FAM167A: variants seen among roughly 807,000 people sequenced by gnomAD.
The protein encoded by FAM167A is family with sequence similarity 167 member A.
In FAM167A, 23 loss-of-function variants were observed where a neutral mutation model predicts 14.9. The observed-to-expected ratio is 1.55, with a 90% CI of 1.11 to 2.19. FAM167A has a LOEUF of 2.19. FAM167A is among the 30% of genes most tolerant of loss of function. FAM167A has a pLI of 0.00. For synonymous variants in FAM167A, 174 were observed against 117.7 expected, an observed-to-expected ratio of 1.48 and a Z score of -3.10; for missense variants, 401 against 281.5, an observed-to-expected ratio of 1.42 and a Z score of -3.04.
At chr8:11,439,227 C>A (rs539217494) in intron 2 of FAM167A, among the ~76,000 whole-genome samples, 2 of 152,374 alleles carry the variant, frequency 1.3e-5, no homozygotes, top group South Asian at 4.1e-4. Context: ...ATAGCAAATA[C>A]TTCCAAGCCT....
intron 2 of FAM167A, among the ~76,000 whole-genome samples, chr8:11,436,319 G>C (rs1806010257): frequency 6.6e-6 from 1 of 152,192 alleles, no homozygotes; most frequent in Admixed American, 6.5e-5. Flanking sequence ...CAACTTCCCT[G>C]CCACTCCCCT....
chr8:11,464,568 C>G (rs73533636), intron 1 of FAM167A, among the ~76,000 whole-genome samples: 4,336 of 152,320 alleles, frequency 0.028, 193 homozygotes, highest in African/African-American at 0.098. Context: ...TGCACAGTAA[C>G]AGCCAGCCAG....
chr8:11,424,664 C>T, intron 2 of FAM167A, 28 bp from the exon 3 acceptor site: 1 of 1,610,504 alleles, frequency 6.2e-7, no homozygotes, highest in Non-Finnish European at 8.5e-7. Context: ...CAGGCAGGGT[C>T]AGCAGAGAGT....
chr8:11,464,197 C>A (rs1365876700), intron 1 of FAM167A, among the ~76,000 whole-genome samples: 1 of 152,136 alleles, frequency 6.6e-6, no homozygotes, highest in Non-Finnish European at 1.5e-5. Context: ...CTTCTTTCTC[C>A]ATGCTTGTCC....
intron 2 of FAM167A, among the ~76,000 whole-genome samples, chr8:11,427,995 C>G (rs189426639): frequency 7.5e-4 from 114 of 152,324 alleles, no homozygotes; most frequent in African/African-American, 2.6e-3. Flanking sequence ...AGATGGGGGT[C>G]AAACCTGCCT....
At chr8:11,457,212 C>T (rs1203405614) in intron 1 of FAM167A, among the ~76,000 whole-genome samples, 1 of 151,874 alleles carries the variant, frequency 6.6e-6, no homozygotes, top group Non-Finnish European at 1.5e-5. Context: ...TGTGGTCTAC[C>T]CTGCCGGGTA....
chr8:11,448,494 C>A (rs7832089), intron 1 of FAM167A, among the ~76,000 whole-genome samples: 23,358 of 152,204 alleles, frequency 0.15, 2,126 homozygotes, highest in Non-Finnish European at 0.21. Context: ...CAGATCATGA[C>A]CCTCCAACTG....
intron 1 of FAM167A, among the ~76,000 whole-genome samples, chr8:11,455,995 G>A (rs1807258535): frequency 8.1e-6 from 1 of 123,302 alleles, no homozygotes; most frequent in South Asian, 2.9e-4. Context: ...TGCCTTCTGG[G>A]TATGAGTGGG....
At chr8:11,437,032 T>C (rs1304804234) in intron 2 of FAM167A, among the ~76,000 whole-genome samples, 3 of 152,206 alleles carry the variant, frequency 2.0e-5, no homozygotes, top group African/African-American at 7.2e-5. Flanking sequence ...CCAGGCAAGT[T>C]TGAGGCTGTT....
intron 1 of FAM167A, among the ~76,000 whole-genome samples, chr8:11,452,025 C>G (rs1807045734): frequency 6.6e-6 from 1 of 152,154 alleles, no homozygotes; most frequent in African/African-American, 2.4e-5. Flanking sequence ...TGAGAGCAAA[C>G]CAGTGTCATA....
At chr8:11,434,869 C>A (rs1340989676) in intron 2 of FAM167A, 1 of 370,602 alleles carries the variant, frequency 2.7e-6, no homozygotes, top group African/African-American at 2.1e-5. Flanking sequence ...AAGCTGTACA[C>A]CCAAGGAAGA....
intron 1 of FAM167A, among the ~76,000 whole-genome samples, chr8:11,455,177 G>A (rs1250355289): frequency 1.1e-5 from 1 of 91,692 alleles, no homozygotes; most frequent in African/African-American, 4.1e-5. Flanking sequence ...TTGTTGCCTT[G>A]CTGAGTGTGG....
chr8:11,446,861 T>A (rs1210826464), intron 1 of FAM167A, among the ~76,000 whole-genome samples: 1 of 152,352 alleles, frequency 6.6e-6, no homozygotes. Flanking sequence ...GGATCTGTTT[T>A]GAGCATGTCT....
chr8:11,475,496 G>C (rs115610870), intron 1 of FAM167A, among the ~76,000 whole-genome samples: 2,271 of 152,042 alleles, frequency 0.015, 64 homozygotes, highest in African/African-American at 0.051. Context: ...AAAGAAATCA[G>C]ATGAGGCCCA....
At chr8:11,453,054 G>A (rs1807089320) in intron 1 of FAM167A, among the ~76,000 whole-genome samples, 1 of 152,158 alleles carries the variant, frequency 6.6e-6, no homozygotes, top group Non-Finnish European at 1.5e-5. Flanking sequence ...CCTGAGCCTG[G>A]GGACTTGGAC....
At chr8:11,427,569 T>C (rs778502561) in intron 2 of FAM167A, among the ~76,000 whole-genome samples, 9 of 152,236 alleles carry the variant, frequency 5.9e-5, no homozygotes, top group Non-Finnish European at 1.2e-4. Flanking sequence ...GGCAGTGTTC[T>C]CACTTTCTCC....
rs997983686 is a variant in FAM167A at position 11,422,938 on chromosome 8, T to G, written c.*1435A>C. On this transcript the variant is annotated 3_prime_UTR_variant, in exon 3 of 3. Coordinates refer to ENST00000284486, the MANE Select transcript of FAM167A (RefSeq NM_053279.3). ...TGTGGGTGGGGGCTGAGGTGGAGAG[T>G]AGAGGGGTTGGCAGTGTGCGGGTTT... 6.6e-6 allele frequency: 1 copy of G among 152,276 alleles called. No homozygotes were observed. The highest frequency in any genetic ancestry group is 2.4e-5 in the African/African-American group (1 of 41,294). The allele number at this position is 152,276 out of a possible 1,614,324, so 9.4% of individuals were successfully genotyped here.
chr8:11,436,595 C>G (rs1806035508), intron 2 of FAM167A, among the ~76,000 whole-genome samples: 1 of 152,212 alleles, frequency 6.6e-6, no homozygotes, highest in South Asian at 2.1e-4. Context: ...CTCAATTCCA[C>G]CTGCAGGAAG....
chr8:11,445,033 A>AAC, intron 1 of FAM167A: 3 of 617,152 alleles, frequency 4.9e-6, no homozygotes, highest in Non-Finnish European at 6.1e-6. Flanking sequence ...TTTATATAAA[A>AAC]ACGACTCCGC....
Sources: gnomAD v4.1 joint callset for allele counts (sites outside exome capture counted in the v4.1 genomes callset) on GRCh38, gnomAD v4.1.1 for gene constraint, MANE v1.5 for transcripts, NCBI Gene and HGNC (gene_info 2026-07-23, HGNC 2026-07-21) for gene names.